The following OSBPL10 variants were observed in gnomAD, a reference collection of about 807,000 sequenced individuals.
The protein encoded by OSBPL10 is oxysterol binding protein like 10, also known as oxysterol-binding protein-related protein 10.
A neutral mutation model predicts 81.7 loss-of-function variants in OSBPL10; 49 were observed. The observed-to-expected ratio is 0.60, with a 90% confidence interval of 0.48 to 0.76. OSBPL10 has a LOEUF of 0.76. OSBPL10 is among the 30% of genes least tolerant of loss of function. The pLI, the probability that OSBPL10 is intolerant of heterozygous loss-of-function variation, is 0.00. For synonymous variants in OSBPL10, 419 were observed against 383.6 expected, an observed-to-expected ratio of 1.09 and a Z score of -1.08; for missense variants, 923 against 987.8, an observed-to-expected ratio of 0.93 and a Z score of 0.88.
chr3:31,858,538 A>T (rs1327086283), intron 3 of OSBPL10, among the ~76,000 whole-genome samples: 2 of 152,130 alleles, frequency 1.3e-5, no homozygotes, highest in Admixed American at 6.5e-5. Context: ...AACAGACATG[A>T]TCTCATTAAT....
At chr3:31,905,442 C>T (rs75541380) in intron 1 of OSBPL10, among the ~76,000 whole-genome samples, 26,276 of 149,818 alleles carry the variant, frequency 0.18, 2,880 homozygotes, top group African/African-American at 0.3. Flanking sequence ...CTCCGTCTCC[C>T]GGGTTCAAGT....
intron 1 of OSBPL10, chr3:31,906,763 T>C (rs1029506915): frequency 2.0e-5 from 3 of 152,206 alleles, no homozygotes; most frequent in African/African-American, 7.2e-5. Flanking sequence ...ACTAGTGGAT[T>C]GGATTCAAAT....
chr3:32,050,661 A>ATTT (rs57922283), intron 1 of OSBPL10, among the ~76,000 whole-genome samples: 1 of 140,078 alleles, frequency 7.1e-6, no homozygotes, highest in Non-Finnish European at 1.6e-5. Context: ...ATACAAAAGG[A>ATTT]TTTTTTTTTT....
intron 3 of OSBPL10, among the ~76,000 whole-genome samples, chr3:31,862,425 T>C (rs946112691): frequency 3.9e-5 from 6 of 152,178 alleles, no homozygotes; most frequent in African/African-American, 1.4e-4. Context: ...ATAAAAGATG[T>C]CTGCGTTCCA....
rs190032489 is a variant in OSBPL10 at position 31,946,131 on chromosome 3, C to T, written c.281+34768G>A. 2.4e-3 allele frequency among the ~76,000 whole-genome samples: 372 copies of T among 152,096 alleles called. 3 individuals carry two copies. The highest frequency in any genetic ancestry group is 8.3e-3 in the African/African-American group (344 of 41,488). The stretch of plus-strand genomic sequence containing the variant: ...GAGTAGCTGGGATTACAGGCACGTG[C>T]CACCATGCCCGGCTAATTTTTGTAT... On this transcript the variant is annotated intron_variant, in intron 1 of 11. Coordinates refer to ENST00000396556, the MANE Select transcript of OSBPL10 (RefSeq NM_017784.5).
intron 4 of OSBPL10, among the ~76,000 whole-genome samples, chr3:31,768,577 A>G (rs1052552557): frequency 6.6e-6 from 1 of 152,194 alleles, no homozygotes; most frequent in African/African-American, 2.4e-5. Context: ...ACACTACAAC[A>G]TAAATACATA....
chr3:31,838,928 C>T (rs941697976), intron 3 of OSBPL10, among the ~76,000 whole-genome samples: 1 of 152,136 alleles, frequency 6.6e-6, no homozygotes, highest in Non-Finnish European at 1.5e-5. Flanking sequence ...AGACTACACC[C>T]CGCATAGCAT....
At chr3:31,707,403 A>G (rs541505411) in intron 6 of OSBPL10, 1 of 152,358 alleles carries the variant, frequency 6.6e-6, no homozygotes, top group South Asian at 2.1e-4. Context: ...CAGACAATAA[A>G]GCCAGCTAGA....
At chr3:31,799,385 A>G (rs1357582973) in intron 4 of OSBPL10, among the ~76,000 whole-genome samples, 1 of 148,848 alleles carries the variant, frequency 6.7e-6, no homozygotes, top group African/African-American at 2.5e-5. Flanking sequence ...TCTTTAAAAA[A>G]AAAAAAAAAA....
chr3:32,068,314 C>T (rs1022966453), intron 1 of OSBPL10, among the ~76,000 whole-genome samples: 8 of 152,204 alleles, frequency 5.3e-5, no homozygotes, highest in Non-Finnish European at 8.8e-5. Context: ...CGCAGGGATG[C>T]CTGCCTTGGT....
intron 5 of OSBPL10, among the ~76,000 whole-genome samples, chr3:31,738,781 C>T (rs1010454592): frequency 6.6e-6 from 1 of 152,074 alleles, no homozygotes; most frequent in Non-Finnish European, 1.5e-5. Context: ...CACCATGTGC[C>T]CTCTCAGCAG....
chr3:32,018,860 A>T (rs1250675726), intron 2 of OSBPL10, among the ~76,000 whole-genome samples: 1 of 152,180 alleles, frequency 6.6e-6, no homozygotes, highest in Non-Finnish European at 1.5e-5. Flanking sequence ...GGCAAAAATC[A>T]AAAGGAAGCA....
chr3:31,992,718 G>T (rs1201615325), intron 2 of OSBPL10, among the ~76,000 whole-genome samples: 1 of 152,204 alleles, frequency 6.6e-6, no homozygotes, highest in African/African-American at 2.4e-5. Flanking sequence ...CCTTGGCCAG[G>T]CATGGTGACT....
chr3:31,952,890 G>C (rs1317767306), intron 1 of OSBPL10, among the ~76,000 whole-genome samples: 1 of 151,664 alleles, frequency 6.6e-6, no homozygotes, highest in African/African-American at 2.4e-5. Context: ...ACTGGTCCAG[G>C]ATGGGATCTG....
chr3:31,980,714 A>C (rs1698811272), intron 1 of OSBPL10, among the ~76,000 whole-genome samples, 185 bp downstream of exon 1: 1 of 152,130 alleles, frequency 6.6e-6, no homozygotes, highest in African/African-American at 2.4e-5. Flanking sequence ...GGCGCGCCCC[A>C]TCCTGAGAAC....
intron 1 of OSBPL10, among the ~76,000 whole-genome samples, chr3:31,973,752 G>A (rs535615826): frequency 6.6e-6 from 1 of 152,332 alleles, no homozygotes; most frequent in South Asian, 2.1e-4. Flanking sequence ...TGGTGGCAGT[G>A]TGAAATGGTT....
At chr3:31,755,228 C>A (rs1697850295) in intron 4 of OSBPL10, among the ~76,000 whole-genome samples, 1 of 152,150 alleles carries the variant, frequency 6.6e-6, no homozygotes, top group African/African-American at 2.4e-5. Flanking sequence ...CATAGCTGCA[C>A]CTTGCCCCCA....
At position 31,978,480 on chromosome 3, in the gene OSBPL10, C is replaced by T. The variant is rs375440752; in HGVS notation, c.281+2419G>A. On this transcript the variant is annotated intron_variant, in intron 1 of 11. Coordinates refer to ENST00000396556, the MANE Select transcript of OSBPL10 (RefSeq NM_017784.5). The stretch of plus-strand genomic sequence containing the variant: ...TTATCCTCTTCTCTCTTCCTTTTCA[C>T]TAATCCATCTGTCCCTTCATAAGAC... Among the ~76,000 whole-genome samples the T allele has an allele frequency of 5.3e-5, 8 of 152,178 alleles. No homozygotes were observed. In the East Asian group the frequency reaches 9.6e-4, roughly 18 times the overall value.
chr3:31,912,697 C>T (rs1475475559), intron 1 of OSBPL10, among the ~76,000 whole-genome samples: 1 of 152,048 alleles, frequency 6.6e-6, no homozygotes, highest in African/African-American at 2.4e-5. Flanking sequence ...CAATGGAAAC[C>T]CTCAATAAAG....
Sources: allele counts gnomAD v4.1 joint callset (sites outside exome capture counted in the v4.1 genomes callset), GRCh38; gene constraint gnomAD v4.1.1; transcripts MANE v1.5; gene names NCBI Gene and HGNC (gene_info 2026-07-23, HGNC 2026-07-21).